Variants in EVC2 observed in about 807,000 individuals in gnomAD.
EVC2 encodes the protein EvC ciliary complex subunit 2, also known as limbin.
EVC2 carries 148 observed loss-of-function variants against 149.3 expected under a neutral mutation model. That is an observed-to-expected ratio of 0.99 (90% CI 0.87 to 1.14). The LOEUF (loss-of-function observed/expected upper bound fraction) is 1.14, where lower values mean the gene tolerates loss of function less well. EVC2 is among the 50% of genes most tolerant of loss of function. EVC2 has a pLI of 0.00. For synonymous variants in EVC2, 776 were observed against 649.9 expected (o/e 1.19, Z -2.95); for missense variants, 1,854 against 1,627.3 (o/e 1.14, Z -2.40).
At chr4:5,579,175 G>A (rs997909618) in intron 17 of EVC2, among the ~76,000 whole-genome samples, 1 of 152,138 alleles carries the variant, frequency 6.6e-6, no homozygotes, top group Admixed American at 6.5e-5. Flanking sequence ...GGTAACTAGA[G>A]TAGGGAGAAA....
intron 16 of EVC2, among the ~76,000 whole-genome samples, chr4:5,612,783 G>A (rs1201616249): frequency 4.0e-5 from 6 of 151,896 alleles, no homozygotes; most frequent in Non-Finnish European, 7.4e-5. Context: ...TTAGCCGGGA[G>A]TAGTAGCGGG....
At chr4:5,549,789 C>G (rs1435403587) in intron 21 of EVC2, among the ~76,000 whole-genome samples, 16 of 152,200 alleles carry the variant, frequency 1.1e-4, no homozygotes, top group Admixed American at 1.0e-3. Context: ...ACTCTTCCTT[C>G]CCTTTATATG....
rs186295586 is a variant in EVC2 at position 5,614,769 on chromosome 4, G to C, written c.2829+653C>G. ...GAGGTGGGCGGATCACCTGAAGTCA[G>C]GAGTTTGAGACCAATCTGGCCAACA... On this transcript the variant is annotated intron_variant, in intron 16 of 21. Coordinates refer to ENST00000344408, the MANE Select transcript of EVC2 (RefSeq NM_147127.5). This position sits in a 1 kb window ranked among gnomAD's most constrained non-coding sequence, Gnocchi z 4.7. Among the ~76,000 whole-genome samples the C allele has an allele frequency of 3.3e-3, 508 of 152,258 alleles. 9 individuals carry two copies. Among genetic ancestry groups the C allele is most frequent in the Non-Finnish European group, 4.3e-3 (293 of 68,020 alleles).
In EVC2 at chr4:5,618,971, C is replaced by T. The variant is rs1375032784; in HGVS notation, c.2502-289G>A. Among the ~76,000 whole-genome samples the T allele has an allele frequency of 6.6e-6, 1 of 152,156 alleles. No individual in the cohort carries two copies. ...CAGTGCCCACGACCTTGCAATTAACCTGGTCTCACTTCAGAAACAGACGTG... is the reference window on the plus strand; with the variant it reads ...CAGTGCCCACGACCTTGCAATTAACTTGGTCTCACTTCAGAAACAGACGTG... On this transcript the variant is annotated intron_variant, in intron 14 of 21. Transcript: ENST00000344408. The surrounding 1 kb of genome is among the most constrained non-coding windows in gnomAD (Gnocchi z 4.4).
At chr4:5,628,479 A>G (rs1360163813) in intron 12 of EVC2, 80 bp downstream of exon 12, 1 of 1,549,720 alleles carries the variant, frequency 6.5e-7, no homozygotes, top group Non-Finnish European at 8.9e-7. Context: ...TTTATAAATT[A>G]CCCAGTCTGT....
chr4:5,701,620 G>A (rs1318188364), intron 1 of EVC2, among the ~76,000 whole-genome samples: 1 of 152,082 alleles, frequency 6.6e-6, no homozygotes, highest in Non-Finnish European at 1.5e-5. Context: ...GCTCATCCAG[G>A]CCCTCAGATG....
chr4:5,646,177 T>C (rs1006559481), intron 9 of EVC2, among the ~76,000 whole-genome samples: 27 of 152,068 alleles, frequency 1.8e-4, no homozygotes, highest in African/African-American at 6.3e-4. Flanking sequence ...GTGATCCACC[T>C]CCCTCGGTCT....
At chr4:5,671,280 C>G (rs1719632826) in intron 7 of EVC2, among the ~76,000 whole-genome samples, 1 of 152,224 alleles carries the variant, frequency 6.6e-6, no homozygotes, top group Non-Finnish European at 1.5e-5. Flanking sequence ...CTCTCCTAGG[C>G]TGGCCCTTTA....
At chr4:5,547,369 G>A (rs116529272) in intron 21 of EVC2, among the ~76,000 whole-genome samples, 4,301 of 152,344 alleles carry the variant, frequency 0.028, 205 homozygotes, top group African/African-American at 0.097. Context: ...GCAGCAGGAG[G>A]CAGAGAGGTT....
chr4:5,572,458 T>C (rs76698870), intron 19 of EVC2, among the ~76,000 whole-genome samples: 1,631 of 152,238 alleles, frequency 0.011, 22 homozygotes, highest in African/African-American at 0.036. Context: ...TTAGCCCTTT[T>C]TGCCTTCCCA....
At chr4:5,595,685 A>G (rs528040511) in intron 16 of EVC2, among the ~76,000 whole-genome samples, 1 of 152,330 alleles carries the variant, frequency 6.6e-6, no homozygotes, top group Non-Finnish European at 1.5e-5. Context: ...ACCAGCTAAC[A>G]TCATCATGAC....
intron 16 of EVC2, among the ~76,000 whole-genome samples, chr4:5,600,389 T>G (rs1211072823): frequency 6.6e-6 from 1 of 152,192 alleles, no homozygotes; most frequent in East Asian, 1.9e-4. Flanking sequence ...TTTGCCATAT[T>G]GAGCGTTTCC....
At chr4:5,540,879 C>G (rs372426948), downstream of EVC2, among the ~76,000 whole-genome samples, 3 of 152,256 alleles carry the variant, frequency 2.0e-5, no homozygotes, top group African/African-American at 7.2e-5. Context: ...CCCATCAGAT[C>G]GCCAGAATTC....
intron 17 of EVC2, among the ~76,000 whole-genome samples, chr4:5,584,082 G>A (rs1321505034): frequency 6.6e-6 from 1 of 151,938 alleles, no homozygotes; most frequent in Non-Finnish European, 1.5e-5. Flanking sequence ...AATGTGAGGG[G>A]TTTTTTCCTT....
chr4:5,543,240 C>G (rs1721550636), intron 21 of EVC2: 1 of 1,285,272 alleles, frequency 7.8e-7, no homozygotes, highest in Non-Finnish European at 1.0e-6. Context: ...CCTGGTCTAA[C>G]CAAAGTCTCT....
Position 5,622,528 on chromosome 4 carries a change from G to T in EVC2, c.2501+9C>A. 1 of 1,613,164 alleles carries T rather than the reference G, an allele frequency of 6.2e-7. No individual in the cohort carries two copies. The highest frequency in any genetic ancestry group is 8.5e-7 in the Non-Finnish European group (1 of 1,179,694). On this transcript the variant is annotated intron_variant, in intron 14 of 21. Coordinates refer to ENST00000344408, the MANE Select transcript of EVC2 (RefSeq NM_147127.5). The surrounding 1 kb of genome is among the most constrained non-coding windows in gnomAD (Gnocchi z 5.8). The stretch of plus-strand genomic sequence containing the variant: ...GGGAGGGGTGATTACGACCCGCAAA[G>T]GCACTCACATGAAGATCAGGTGCTC...
intron 8 of EVC2, 94 bp downstream of exon 8, chr4:5,665,421 C>T: frequency 1.3e-6 from 2 of 1,592,022 alleles, no homozygotes; most frequent in Non-Finnish European, 1.7e-6. Context: ...CTCAGCAATG[C>T]TGATGGGGAT....
intron 1 of EVC2, among the ~76,000 whole-genome samples, chr4:5,705,287 G>A (rs558723690): frequency 2.2e-4 from 33 of 152,288 alleles, no homozygotes; most frequent in Middle Eastern, 3.4e-3. Context: ...CAAAGGGTCT[G>A]GGTGGTTTCT....
intron 21 of EVC2, among the ~76,000 whole-genome samples, chr4:5,553,499 A>C (rs1721778842): frequency 6.6e-6 from 1 of 152,224 alleles, no homozygotes; most frequent in Admixed American, 6.5e-5. Context: ...CAAGGGCTAA[A>C]AACCAAGTCT....
Sources: gnomAD v4.1 joint callset for allele counts (sites outside exome capture counted in the v4.1 genomes callset) on GRCh38, gnomAD v4.1.1 for gene constraint, Gnocchi (gnomAD v3.1) non-coding constraint, MANE v1.5 for transcripts, NCBI Gene and HGNC (gene_info 2026-07-23, HGNC 2026-07-21) for gene names.